The following NPAS3 variants were observed in gnomAD, a reference collection of about 807,000 sequenced individuals.
NPAS3 encodes the protein neuronal PAS domain-containing protein 3.
In NPAS3, 14 loss-of-function variants were observed where a neutral mutation model predicts 73.1. The observed-to-expected ratio is 0.19, with a 90% confidence interval of 0.13 to 0.30. The LOEUF (loss-of-function observed/expected upper bound fraction) is 0.30. Among genes scored for constraint, NPAS3 ranks in the 10% least tolerant of loss-of-function variants. The pLI, the probability that NPAS3 is intolerant of heterozygous loss-of-function variation, is 1.00. For synonymous variants in NPAS3, 620 were observed against 541.5 expected (o/e 1.14, Z -2.01); for missense variants, 1,096 against 1,250.0 (o/e 0.88, Z 1.86).
intron 7 of NPAS3, among the ~76,000 whole-genome samples, chr14:33,772,442 G>A (rs921717116): frequency 4.6e-5 from 7 of 152,156 alleles, no homozygotes; most frequent in African/African-American, 1.4e-4. Flanking sequence ...GCTCCCTCCC[G>A]GTAGCCTGTC....
chr14:33,598,390 T>G (rs528915064), intron 5 of NPAS3, among the ~76,000 whole-genome samples: 1 of 152,346 alleles, frequency 6.6e-6, no homozygotes, highest in East Asian at 1.9e-4. Context: ...TTTCACATAA[T>G]GGTGATGATG....
chr14:32,991,387 G>A (rs143243065), intron 1 of NPAS3, among the ~76,000 whole-genome samples: 1 of 152,024 alleles, frequency 6.6e-6, no homozygotes, highest in East Asian at 1.9e-4. Flanking sequence ...TTGGTAAAAC[G>A]CAGCATTGAT....
intron 4 of NPAS3, among the ~76,000 whole-genome samples, chr14:33,427,614 A>G (rs1284756839): frequency 6.6e-6 from 1 of 151,862 alleles, no homozygotes; most frequent in Admixed American, 6.6e-5. Flanking sequence ...TTCCTGTTGA[A>G]CTTTGAATCT....
At position 33,305,624 on chromosome 14, in the gene NPAS3, A is replaced by C. The variant is rs562866382; in HGVS notation, c.386-61562A>C. ...ATTGAGAATATTTTTAAGATTGGTA[A>C]TTGGAAATGAAGACATTGATTACAG... On this transcript the variant is annotated intron_variant, in intron 3 of 11. Coordinates refer to ENST00000356141, the Ensembl canonical transcript of NPAS3. 5.3e-5 allele frequency among the ~76,000 whole-genome samples: 8 copies of C among 152,244 alleles called. No homozygotes were observed. In the East Asian group the frequency reaches 1.5e-3, roughly 29 times the overall value.
chr14:33,145,862 G>C (rs998941774), intron 2 of NPAS3, among the ~76,000 whole-genome samples: 4 of 152,018 alleles, frequency 2.6e-5, no homozygotes, highest in Non-Finnish European at 5.9e-5. Flanking sequence ...CCATGGAACT[G>C]GAAATGTGAC....
At position 33,039,904 on chromosome 14, in the gene NPAS3, T is replaced by C. The variant is rs74041766; in HGVS notation, c.51-16001T>C. Among the ~76,000 whole-genome samples the C allele has an allele frequency of 2.0e-3, 299 of 152,328 alleles. 1 individual carries two copies. The highest frequency in any genetic ancestry group is 6.9e-3 in the African/African-American group (285 of 41,576). ...GAAAGAGACACAAGGTATATTTGTA[T>C]GTTTCAGTCATTTCCTTGATAGAAT... On this transcript the variant is annotated intron_variant, in intron 1 of 11. Transcript: ENST00000356141.
At chr14:33,554,254 G>T (rs1478583347) in intron 4 of NPAS3, among the ~76,000 whole-genome samples, 1 of 152,184 alleles carries the variant, frequency 6.6e-6, no homozygotes, top group Admixed American at 6.5e-5. Context: ...TGTCTGATAT[G>T]CATAGTGCCC....
chr14:33,254,960 T>TA (rs113569307), intron 3 of NPAS3, among the ~76,000 whole-genome samples: 4,267 of 146,370 alleles, frequency 0.029, 89 homozygotes, highest in African/African-American at 0.065. Flanking sequence ...GAGGAATTTG[T>TA]AAAAAAAAAA....
At chr14:33,487,853 A>T (rs1595008381) in intron 4 of NPAS3, among the ~76,000 whole-genome samples, 1 of 152,330 alleles carries the variant, frequency 6.6e-6, no homozygotes, top group Non-Finnish European at 1.5e-5. Flanking sequence ...TGGGCTCCAA[A>T]GTGAGGCTCA....
rs547413998 is a variant in NPAS3, at chr14:33,338,064, G to A, written c.386-29122G>A. Among the ~76,000 whole-genome samples, 5 of 151,450 alleles carry A rather than the reference G, an allele frequency of 3.3e-5. No individual in the cohort carries two copies. In the South Asian group the frequency reaches 1.0e-3, roughly 32 times the overall value. ...CATTTTTAATCTCTATAGCTTCAAT[G>A]TCTTTTTCTTGCCTTATTACATTGG... On this transcript the variant is annotated intron_variant, in intron 3 of 11. Coordinates refer to ENST00000356141, the Ensembl canonical transcript of NPAS3.
chr14:32,939,830 G>T (rs547667153), intron 1 of NPAS3, among the ~76,000 whole-genome samples: 1 of 151,680 alleles, frequency 6.6e-6, no homozygotes, highest in African/African-American at 2.4e-5. Context: ...AGGGGGAGGA[G>T]GCGAGGAGCA....
At chr14:33,612,415 T>C (rs2057780436) in intron 5 of NPAS3, 1 of 455,890 alleles carries the variant, frequency 2.2e-6, no homozygotes. Context: ...GCACAGACAC[T>C]GTGTTCACCT....
At chr14:33,204,288 A>C (rs1167050699) in intron 2 of NPAS3, among the ~76,000 whole-genome samples, 1 of 152,196 alleles carries the variant, frequency 6.6e-6, no homozygotes, top group African/African-American at 2.4e-5. Context: ...AAAAACATTT[A>C]GGCTCTTTAT....
chr14:33,654,039 A>C (rs1379023474), intron 5 of NPAS3, among the ~76,000 whole-genome samples: 5 of 152,190 alleles, frequency 3.3e-5, no homozygotes, highest in Non-Finnish European at 5.9e-5. Context: ...GCCAGCAGTG[A>C]GTAAATTTTC....
At chr14:33,311,968 G>A (rs1200688845) in intron 3 of NPAS3, among the ~76,000 whole-genome samples, 1 of 152,026 alleles carries the variant, frequency 6.6e-6, no homozygotes, top group Non-Finnish European at 1.5e-5. Flanking sequence ...TAGTTTGGTT[G>A]GACTATATCA....
At chr14:33,180,667 T>C (rs184723969) in intron 2 of NPAS3, among the ~76,000 whole-genome samples, 1,929 of 151,552 alleles carry the variant, frequency 0.013, 20 homozygotes, top group Non-Finnish European at 0.02. Flanking sequence ...GGCGTGGTGG[T>C]GGGCGCCTGT....
intron 2 of NPAS3, among the ~76,000 whole-genome samples, chr14:33,145,928 T>C (rs1449067530): frequency 1.3e-5 from 2 of 151,904 alleles, no homozygotes; most frequent in African/African-American, 2.4e-5. Context: ...ATATGAAAAA[T>C]AACTTAAAGA....
chr14:33,618,640 G>A (rs911490276), intron 5 of NPAS3, among the ~76,000 whole-genome samples: 2 of 152,188 alleles, frequency 1.3e-5, no homozygotes. Context: ...GTTGGTACCG[G>A]TCTATGGCCT....
intron 5 of NPAS3, among the ~76,000 whole-genome samples, chr14:33,623,870 T>C (rs1030261466): frequency 1.3e-5 from 2 of 152,216 alleles, no homozygotes; most frequent in South Asian, 4.1e-4. Context: ...AATCAATTGA[T>C]AATAAACCTC....
Sources: gnomAD v4.1 joint callset for allele counts (sites outside exome capture counted in the v4.1 genomes callset) on GRCh38, gnomAD v4.1.1 for gene constraint, MANE v1.5 for transcripts, NCBI Gene and HGNC (gene_info 2026-07-23, HGNC 2026-07-21) for gene names.